Variants in CACNA1E observed in about 807,000 individuals in gnomAD.
CACNA1E encodes the protein calcium voltage-gated channel subunit alpha1 E.
A neutral mutation model predicts 259.2 loss-of-function variants in CACNA1E; 40 were observed. That is an observed-to-expected ratio of 0.15 (90% CI 0.12 to 0.20). CACNA1E has a LOEUF of 0.20. Among genes scored for constraint, CACNA1E ranks in the 10% least tolerant of loss-of-function variants. The probability of loss-of-function intolerance (pLI) is 1.00; values close to 1 mark genes in which losing one functional copy is unlikely to be tolerated. For missense variants in CACNA1E, 1,874 were observed against 3,040.1 expected (o/e 0.62, Z 9.02); for synonymous variants, 1,104 against 1,138.5 (o/e 0.97, Z 0.61).
chr1:181,465,409 A>C (rs1662093545), intron 2 of CACNA1E, among the ~76,000 whole-genome samples: 2 of 152,106 alleles, frequency 1.3e-5, no homozygotes, highest in Non-Finnish European at 2.9e-5. Flanking sequence ...CAGATCTTCA[A>C]ATATTGTCTT....
At chr1:181,508,178 G>GT (rs1665876848) in intron 1 of CACNA1E, among the ~76,000 whole-genome samples, 1 of 103,514 alleles carries the variant, frequency 9.7e-6, no homozygotes, top group Non-Finnish European at 2.1e-5. Flanking sequence ...TGTGTGTGAT[G>GT]GGGTGTGTGC....
chr1:181,741,761 C>A (rs556787929), intron 25 of CACNA1E, among the ~76,000 whole-genome samples: 33 of 152,154 alleles, frequency 2.2e-4, no homozygotes, highest in Admixed American at 1.7e-3. Flanking sequence ...TGAAACATGG[C>A]GGTGGTGGCT....
rs144807508 is a variant in CACNA1E at position 181,541,897 on chromosome 1, A to T, written c.512+30387A>T. On this transcript the variant is annotated intron_variant, in intron 3 of 47. Transcript: ENST00000367573. Reference sequence around the variant, plus strand: ...CTCATGTAGGCCCTTGCTCCCCACCATTGTATCAGGTTTGGTCTGGGTGAC... The same window carrying T: ...CTCATGTAGGCCCTTGCTCCCCACCTTTGTATCAGGTTTGGTCTGGGTGAC... Among the ~76,000 whole-genome samples the T allele has an allele frequency of 5.2e-3, 787 of 152,224 alleles. 8 individuals are homozygous for T. Among genetic ancestry groups the T allele is most frequent in the African/African-American group, 0.018 (762 of 41,526 alleles).
chr1:181,721,747 G>T lies in CACNA1E; in HGVS notation c.1957-11G>T. ...CAGGTTTCTGATGCGCCTGTCATTT[G>T]CTTTTTGTAGATCCTGACGGGTGAG... On this transcript the variant is annotated splice_polypyrimidine_tract_variant and intron_variant, in intron 15 of 47. Transcript: ENST00000367573. The T allele has an allele frequency of 6.3e-7, 1 of 1,579,638 alleles. No homozygotes were observed. Among genetic ancestry groups the T allele is most frequent in the Non-Finnish European group, 8.7e-7 (1 of 1,149,392 alleles).
chr1:181,359,198 T>A (rs556834688), intron 1 of CACNA1E, among the ~76,000 whole-genome samples: 2 of 152,314 alleles, frequency 1.3e-5, no homozygotes, highest in African/African-American at 2.4e-5. Flanking sequence ...TATAAGACAC[T>A]GTCCTTTAGC....
chr1:181,472,504 A>G (rs1662574699), intron 2 of CACNA1E, among the ~76,000 whole-genome samples: 1 of 152,194 alleles, frequency 6.6e-6, no homozygotes, highest in Non-Finnish European at 1.5e-5. Context: ...GTACACAATA[A>G]AATTTATTTT....
chr1:181,647,499 G>A (rs577174974), intron 6 of CACNA1E, among the ~76,000 whole-genome samples: 2 of 152,148 alleles, frequency 1.3e-5, no homozygotes, highest in Admixed American at 1.3e-4. Context: ...AGACAGACAC[G>A]TGCACACCAC....
At chr1:181,693,762 T>A (rs139528465) in intron 7 of CACNA1E, among the ~76,000 whole-genome samples, 1 of 152,166 alleles carries the variant, frequency 6.6e-6, no homozygotes, top group East Asian at 1.9e-4. Context: ...ATGTAACAAA[T>A]CTGCACATGT....
rs536687301 is a variant in CACNA1E, at chr1:181,704,382, T to A, written c.1056-6572T>A. The stretch of plus-strand genomic sequence containing the variant: ...AATGAAACCACTGCCAACACAGAAT[T>A]GCCAATCTTGCTTCCAATTTCTCTG... On this transcript the variant is annotated intron_variant, in intron 7 of 47. Coordinates refer to ENST00000367573, the MANE Select transcript of CACNA1E (RefSeq NM_001205293.3). Among the ~76,000 whole-genome samples, 4 of 152,318 alleles carry A rather than the reference T, an allele frequency of 2.6e-5. No individual in the cohort carries two copies. In the East Asian group the frequency reaches 7.7e-4, roughly 29 times the overall value.
chr1:181,551,059 T>G (rs1249705942), intron 3 of CACNA1E, among the ~76,000 whole-genome samples: 1 of 152,232 alleles, frequency 6.6e-6, no homozygotes, highest in Non-Finnish European at 1.5e-5. Context: ...TTTAGGTTGC[T>G]AAGTGATTGT....
intron 3 of CACNA1E, among the ~76,000 whole-genome samples, chr1:181,556,266 A>G (rs946157129): frequency 4.6e-5 from 7 of 152,312 alleles, no homozygotes; most frequent in Admixed American, 4.6e-4. Flanking sequence ...GGGGTGCAGC[A>G]CACCTTGGTG....
chr1:181,562,837 G>A (rs78204018), intron 3 of CACNA1E, among the ~76,000 whole-genome samples: 162 of 152,204 alleles, frequency 1.1e-3, no homozygotes, highest in African/African-American at 3.7e-3. Flanking sequence ...TAACAACTCA[G>A]CATTTTATGT....
chr1:181,728,130 G>A (rs1480983163), intron 18 of CACNA1E, among the ~76,000 whole-genome samples: 3 of 152,098 alleles, frequency 2.0e-5, no homozygotes, highest in African/African-American at 4.8e-5. Context: ...CACCTTCCCT[G>A]AACTCATGAG....
At position 181,682,116 on chromosome 1, in the gene CACNA1E, A is replaced by G. The variant is rs1395063302; in HGVS notation, c.1056-28838A>G. 2.0e-5 allele frequency among the ~76,000 whole-genome samples: 3 copies of G among 152,168 alleles called. No individual in the cohort carries two copies. In the East Asian group the frequency reaches 5.8e-4, roughly 29 times the overall value. On this transcript the variant is annotated intron_variant, in intron 7 of 47. Transcript: ENST00000367573. ...GGCTGGGAGCCAAAAGTATTATGTG[A>G]GCAGCGTTAATGACTATCCGATTAA...
At chr1:181,527,839 A>C (rs1558090171) in intron 3 of CACNA1E, among the ~76,000 whole-genome samples, 1 of 151,972 alleles carries the variant, frequency 6.6e-6, no homozygotes, top group Admixed American at 6.5e-5. Context: ...AGAATATAAC[A>C]CCTTAATATT....
At chr1:181,629,200 C>T (rs1656472841) in intron 6 of CACNA1E, among the ~76,000 whole-genome samples, 1 of 152,166 alleles carries the variant, frequency 6.6e-6, no homozygotes, top group Non-Finnish European at 1.5e-5. Context: ...TTGGGATTAA[C>T]TAACTGGAAG....
rs752286874 is a variant in CACNA1E at position 181,720,770 on chromosome 1, T to C, written c.1884-13T>C. On this transcript the variant is annotated splice_polypyrimidine_tract_variant and intron_variant, in intron 14 of 47. Coordinates refer to ENST00000367573, the MANE Select transcript of CACNA1E (RefSeq NM_001205293.3). ...ATTTTCATTTCATTATTTTCTCTAA[T>C]TTTGTTTTTCAGGTTTAACTTTAAT... 11 of 1,513,308 alleles carry C rather than the reference T, an allele frequency of 7.3e-6. No individual in the cohort carries two copies. Among genetic ancestry groups the C allele is most frequent in the Non-Finnish European group, 9.1e-6 (10 of 1,093,094 alleles). 93.7% of individuals were successfully genotyped at this position (1,513,308 alleles called of 1,614,324 possible). A position where few individuals can be genotyped will look rare whatever the true frequency, so the allele number is the denominator to read the frequency against.
chr1:181,390,001 G>A (rs530857370), intron 1 of CACNA1E, among the ~76,000 whole-genome samples: 40 of 152,376 alleles, frequency 2.6e-4, no homozygotes, highest in African/African-American at 9.6e-4. Context: ...GAGGCTGACT[G>A]TGCTTTGGCA....
At chr1:181,622,161 G>A (rs534033766) in intron 6 of CACNA1E, among the ~76,000 whole-genome samples, 2 of 152,280 alleles carry the variant, frequency 1.3e-5, no homozygotes, top group Admixed American at 6.5e-5. Context: ...CTATTTCCAT[G>A]CCTAGGTTAT....
Sources: allele counts gnomAD v4.1 joint callset (sites outside exome capture counted in the v4.1 genomes callset), GRCh38; gene constraint gnomAD v4.1.1; transcripts MANE v1.5; gene names NCBI Gene and HGNC (gene_info 2026-07-23, HGNC 2026-07-21).